CNTN5: variants seen among roughly 807,000 people sequenced by gnomAD.
CNTN5 encodes the protein contactin-5.
A neutral mutation model predicts 129.1 loss-of-function variants in CNTN5; 77 were observed. That is an observed-to-expected ratio of 0.60 (90% confidence interval 0.50 to 0.72). The LOEUF (loss-of-function observed/expected upper bound fraction) is 0.72. Ranked by LOEUF, CNTN5 falls within the 30% of genes least tolerant of loss-of-function variation. The pLI, the probability that CNTN5 is intolerant of heterozygous loss-of-function variation, is 0.00. For missense variants in CNTN5, 1,478 were observed against 1,328.8 expected (o/e 1.11, Z -1.75); for synonymous variants, 509 against 465.6 (o/e 1.09, Z -1.20).
At chr11:99,522,269 C>T (rs1013706338) in intron 2 of CNTN5, among the ~76,000 whole-genome samples, 1 of 152,078 alleles carries the variant, frequency 6.6e-6, no homozygotes, top group African/African-American at 2.4e-5. Flanking sequence ...TAGATTACAA[C>T]TGTTGTCATT....
intron 4 of CNTN5, among the ~76,000 whole-genome samples, chr11:99,832,615 G>A (rs903503218): frequency 5.3e-5 from 8 of 152,168 alleles, no homozygotes; most frequent in Admixed American, 4.6e-4. Flanking sequence ...AAAGTTAAAA[G>A]AAGATTTGGA....
At chr11:99,300,247 C>T (rs1864575476) in intron 1 of CNTN5, among the ~76,000 whole-genome samples, 1 of 151,984 alleles carries the variant, frequency 6.6e-6, no homozygotes, top group South Asian at 2.1e-4. Context: ...ATGATGTTGT[C>T]AGTAGGTTTG....
chr11:99,512,147 C>T (rs1041669984), intron 2 of CNTN5, among the ~76,000 whole-genome samples: 2 of 152,090 alleles, frequency 1.3e-5, no homozygotes, highest in African/African-American at 4.8e-5. Flanking sequence ...AAATACCAAC[C>T]CTGCCGCCTC....
At chr11:99,425,015 G>C (rs1185721832) in intron 2 of CNTN5, among the ~76,000 whole-genome samples, 3 of 152,272 alleles carry the variant, frequency 2.0e-5, no homozygotes, top group Admixed American at 2.0e-4. Flanking sequence ...ATAGTGGGTA[G>C]CTCCTTTCTA....
At chr11:100,067,519 C>T (rs924403340) in intron 10 of CNTN5, among the ~76,000 whole-genome samples, 24 of 150,958 alleles carry the variant, frequency 1.6e-4, no homozygotes, top group Admixed American at 7.3e-4. Context: ...GATAAAGCTA[C>T]AGAAGTATAG....
intron 2 of CNTN5, among the ~76,000 whole-genome samples, chr11:99,332,574 A>G (rs1042413265): frequency 6.6e-6 from 1 of 152,072 alleles, no homozygotes; most frequent in African/African-American, 2.4e-5. Flanking sequence ...TTTACAAATT[A>G]TTTCTCCAGA....
chr11:100,155,976 C>CTATT (rs1022502110), intron 13 of CNTN5, among the ~76,000 whole-genome samples: 1 of 152,034 alleles, frequency 6.6e-6, no homozygotes, highest in African/African-American at 2.4e-5. Flanking sequence ...TCATGTCTTC[C>CTATT]TATTTTAATA....
At chr11:99,985,696 A>G (rs1938627994) in intron 8 of CNTN5, among the ~76,000 whole-genome samples, 1 of 152,142 alleles carries the variant, frequency 6.6e-6, no homozygotes, top group Non-Finnish European at 1.5e-5. Flanking sequence ...CAAGTGGAAG[A>G]CTAAAACATT....
intron 3 of CNTN5, among the ~76,000 whole-genome samples, chr11:99,575,257 T>C (rs758441653): frequency 5.3e-5 from 8 of 152,190 alleles, no homozygotes; most frequent in Admixed American, 2.0e-4. Flanking sequence ...GAAAATTTGA[T>C]ACTTAAAGAA....
chr11:99,716,006 C>T (rs1342589172), intron 3 of CNTN5, among the ~76,000 whole-genome samples: 8 of 133,740 alleles, frequency 6.0e-5, no homozygotes, highest in Admixed American at 1.7e-4. Flanking sequence ...TTTCAGCTTT[C>T]GACTTTAGTC....
chr11:99,438,754 C>T (rs184308257), intron 2 of CNTN5, among the ~76,000 whole-genome samples: 1 of 152,222 alleles, frequency 6.6e-6, no homozygotes, highest in East Asian at 1.9e-4. Context: ...GTTTGTGCAT[C>T]AATCCAGAGT....
intron 9 of CNTN5, among the ~76,000 whole-genome samples, chr11:100,029,446 G>T (rs964389985): frequency 6.6e-6 from 1 of 152,052 alleles, no homozygotes; most frequent in Non-Finnish European, 1.5e-5. Flanking sequence ...AGCCGGGCGA[G>T]GTGGCAGGCG....
intron 23 of CNTN5, among the ~76,000 whole-genome samples, chr11:100,343,356 C>T (rs956328856): frequency 4.6e-5 from 7 of 152,078 alleles, no homozygotes; most frequent in African/African-American, 1.7e-4. Flanking sequence ...CTGCTGATAA[C>T]AAATGGAGTG....
intron 3 of CNTN5, among the ~76,000 whole-genome samples, chr11:99,619,988 T>A (rs682721): frequency 6.9e-6 from 1 of 145,710 alleles, no homozygotes. Context: ...ATCGTGCCAC[T>A]GCACTCCAGC....
intron 3 of CNTN5, among the ~76,000 whole-genome samples, chr11:99,725,584 G>A (rs1490841021): frequency 1.3e-5 from 2 of 152,062 alleles, no homozygotes; most frequent in Admixed American, 1.3e-4. Context: ...TTCCTTGGAA[G>A]AATGAAGAAA....
intron 1 of CNTN5, among the ~76,000 whole-genome samples, chr11:99,220,347 C>T (rs1452037291): frequency 6.6e-6 from 1 of 151,894 alleles, no homozygotes; most frequent in Non-Finnish European, 1.5e-5. Context: ...TTTCTTTTCT[C>T]TCTTTAGAAA....
At chr11:99,913,651 C>A (rs1210951329) in intron 6 of CNTN5, among the ~76,000 whole-genome samples, 1 of 151,936 alleles carries the variant, frequency 6.6e-6, no homozygotes, top group Non-Finnish European at 1.5e-5. Context: ...CAATTTAGGT[C>A]ATAGTTATTC....
At chr11:100,190,360 A>C (rs771026841) in intron 13 of CNTN5, among the ~76,000 whole-genome samples, 2 of 152,144 alleles carry the variant, frequency 1.3e-5, no homozygotes, top group Non-Finnish European at 2.9e-5. Flanking sequence ...AAGGGAGAAA[A>C]GGACAAAAGT....
At chr11:99,197,268 A>G (rs897260428) in intron 1 of CNTN5, among the ~76,000 whole-genome samples, 3 of 151,914 alleles carry the variant, frequency 2.0e-5, no homozygotes, top group African/African-American at 7.2e-5. Context: ...CCTTCTCAAA[A>G]CTTAAGAGTA....
Sources: allele counts gnomAD v4.1 joint callset (sites outside exome capture counted in the v4.1 genomes callset), GRCh38; gene constraint gnomAD v4.1.1; transcripts MANE v1.5; gene names NCBI Gene and HGNC (gene_info 2026-07-23, HGNC 2026-07-21).